Variants in ETF1 observed in about 807,000 individuals in gnomAD.
ETF1 encodes the protein eukaryotic translation termination factor 1, also known as eukaryotic peptide chain release factor subunit 1.
ETF1 carries 4 observed loss-of-function variants against 55.1 expected under a neutral mutation model. That is an observed-to-expected ratio of 0.07 (90% CI 0.04 to 0.17). The LOEUF (loss-of-function observed/expected upper bound fraction) is 0.17, where lower values mean the gene tolerates loss of function less well. Among genes scored for constraint, ETF1 ranks in the 10% least tolerant of loss-of-function variants. ETF1 has a pLI of 1.00. For synonymous variants in ETF1, 157 were observed against 182.3 expected, an observed-to-expected ratio of 0.86 and a Z score of 1.12; for missense variants, 142 against 523.6, an observed-to-expected ratio of 0.27 and a Z score of 7.11.
chr5:138,542,929 C>T lies in ETF1; in HGVS notation c.-11G>A, dbSNP rs751305361. The stretch of plus-strand genomic sequence containing the variant: ...GGGGTCGTCCGCCATCTTCTCGCCT[C>T]CTCCTCCCTAGAGCGGCCCGGCGGG... On this transcript the variant is annotated 5_prime_UTR_variant, in exon 2 of 11. Coordinates refer to ENST00000360541, the MANE Select transcript of ETF1 (RefSeq NM_004730.4). The T allele has an allele frequency of 1.9e-6, 3 of 1,613,452 alleles. No individual in the cohort carries two copies. The highest frequency in any genetic ancestry group is 2.5e-6 in the Non-Finnish European group (3 of 1,179,862).
intron 6 of ETF1, among the ~76,000 whole-genome samples, chr5:138,512,197 CAAAAAA>C (rs58386195): frequency 1.8e-3 from 5 of 2,838 alleles, no homozygotes; most frequent in South Asian, 0.025. Flanking sequence ...GACCCAGTCT[CAAAAAA>C]AAAAAAAAAA....
intron 8 of ETF1, 144 bp downstream of exon 8, chr5:138,510,901 G>A: frequency 1.4e-6 from 2 of 1,454,686 alleles, no homozygotes; most frequent in Non-Finnish European, 1.8e-6. Flanking sequence ...ATCTATGCAG[G>A]AATGTGCTAC....
At chr5:138,530,654 A>T (rs1162417797) in intron 2 of ETF1, among the ~76,000 whole-genome samples, 1 of 148,574 alleles carries the variant, frequency 6.7e-6, no homozygotes, top group Non-Finnish European at 1.5e-5. Flanking sequence ...GATCTTTGCA[A>T]CCTCTGCCTC....
At chr5:138,523,287 A>G (rs1765312561) in intron 2 of ETF1, among the ~76,000 whole-genome samples, 1 of 152,172 alleles carries the variant, frequency 6.6e-6, no homozygotes, top group South Asian at 2.1e-4. Flanking sequence ...GAATCGCTTG[A>G]ACCCGGGAGG....
chr5:138,542,470 G>A (rs909236274), intron 2 of ETF1, among the ~76,000 whole-genome samples: 11 of 151,680 alleles, frequency 7.3e-5, no homozygotes, highest in African/African-American at 2.7e-4. Context: ...CCCTGGGAAA[G>A]GAAGGCCGAA....
chr5:138,508,518 A>G (rs1473191414), intron 10 of ETF1, 131 bp from the exon 11 acceptor site: 6 of 1,554,758 alleles, frequency 3.9e-6, no homozygotes, highest in East Asian at 2.2e-5. Context: ...AATAATAAAC[A>G]TGGGTCCAAA....
intron 9 of ETF1, among the ~76,000 whole-genome samples, 158 bp downstream of exon 9, chr5:138,510,407 A>G (rs999553725): frequency 8.7e-5 from 13 of 149,408 alleles, no homozygotes; most frequent in African/African-American, 3.2e-4. Flanking sequence ...TCCTTCCCTG[A>G]AATCAGATTC....
chr5:138,539,474 A>C (rs1357351924), intron 2 of ETF1, among the ~76,000 whole-genome samples: 4 of 152,242 alleles, frequency 2.6e-5, no homozygotes, highest in Non-Finnish European at 5.9e-5. Flanking sequence ...AGCATATACC[A>C]GGAGCAATCA....
At chr5:138,541,427 G>T in intron 2 of ETF1, 3 of 834,676 alleles carry the variant, frequency 3.6e-6, no homozygotes, top group Non-Finnish European at 3.9e-6. Flanking sequence ...GTGAGCACAA[G>T]CCCGTCACTG....
intron 6 of ETF1, among the ~76,000 whole-genome samples, chr5:138,512,259 T>TATTTTATATATATATA (rs57032066): frequency 8.2e-4 from 13 of 15,792 alleles, no homozygotes; most frequent in African/African-American, 3.8e-3. Context: ...TATATATATA[T>TATTTTATATATATATA]TTTTTTTTTT....
At chr5:138,525,591 A>G (rs1765435118) in intron 2 of ETF1, among the ~76,000 whole-genome samples, 1 of 152,222 alleles carries the variant, frequency 6.6e-6, no homozygotes, top group Admixed American at 6.5e-5. Context: ...GTATAAATTG[A>G]GCTGACTTAC....
Position 138,542,935 on chromosome 5 carries a change from C to G in ETF1, c.-17G>C. The stretch of plus-strand genomic sequence containing the variant: ...GTCCGCCATCTTCTCGCCTCCTCCT[C>G]CCTAGAGCGGCCCGGCGGGGCCCGG... On this transcript the variant is annotated splice_region_variant and 5_prime_UTR_variant, in exon 2 of 11. Transcript: ENST00000360541. 6.2e-7 allele frequency: 1 copy of G among 1,613,322 alleles called. No homozygotes were observed.
intron 2 of ETF1, among the ~76,000 whole-genome samples, chr5:138,525,734 T>C (rs1214116380): frequency 6.6e-6 from 1 of 151,470 alleles, no homozygotes; most frequent in Non-Finnish European, 1.5e-5. Context: ...TCACCTGAGG[T>C]CAGGAGTTCG....
At chr5:138,524,190 C>CAA (rs112748888) in intron 2 of ETF1, among the ~76,000 whole-genome samples, 15 of 74,284 alleles carry the variant, frequency 2.0e-4, no homozygotes, top group African/African-American at 4.8e-4. Context: ...GACTCTGTCT[C>CAA]AAAAAAAAAA....
rs766954447 is a variant in ETF1, at chr5:138,508,299, G to A, written c.*6C>T. 2 of 1,612,312 alleles carry A rather than the reference G, an allele frequency of 1.2e-6. No homozygotes were observed. The highest frequency in any genetic ancestry group is 1.3e-5 in the African/African-American group (1 of 74,844). On this transcript the variant is annotated 3_prime_UTR_variant, in exon 11 of 11. Coordinates refer to ENST00000360541, the MANE Select transcript of ETF1 (RefSeq NM_004730.4). ...AGGCACGTTTTGCCGGACCCATGTC[G>A]ACTACCTAGTAGTCATCAAGGTCAA...
chr5:138,523,437 G>T (rs1235853088), intron 2 of ETF1, among the ~76,000 whole-genome samples: 2 of 152,206 alleles, frequency 1.3e-5, no homozygotes, highest in African/African-American at 4.8e-5. Flanking sequence ...GGGAGGCTGA[G>T]GCAGGAGAAT....
rs1764553887 is a variant in ETF1, at chr5:138,506,240, T to C, written c.*2065A>G. 1 of 152,624 alleles carries C rather than the reference T, an allele frequency of 6.6e-6. No individual in the cohort carries two copies. The highest frequency in any genetic ancestry group is 2.4e-5 in the African/African-American group (1 of 41,446). 9.5% of individuals were successfully genotyped at this position (152,624 alleles called of 1,614,324 possible). A position where few individuals can be genotyped will look rare whatever the true frequency, so the allele number is the denominator to read the frequency against. On this transcript the variant is annotated 3_prime_UTR_variant, in exon 11 of 11. Transcript: ENST00000360541. ...TCTTATATGTGTTTGTATGTGTAAG[T>C]GTAATACATATCAATATATATTGAT...
Position 138,541,770 on chromosome 5 carries a change from G to T in ETF1, c.86+1063C>A, listed in dbSNP as rs990403714. On this transcript the variant is annotated intron_variant, in intron 2 of 10. Transcript: ENST00000360541. ...ATGTTCCAAACACTTTTTTTTGGGG[G>T]GGGGGGCACTTCCTGTAAGTAAAAA... 6.8e-6 allele frequency: 3 copies of T among 442,186 alleles called. 1 individual carries two copies. The highest frequency in any genetic ancestry group is 1.7e-4 in the East Asian group (2 of 11,950). The allele number at this position is 442,186 out of a possible 1,614,324, so 27.4% of individuals were successfully genotyped here.
intron 2 of ETF1, among the ~76,000 whole-genome samples, chr5:138,524,568 AT>A (rs1188301249): frequency 3.4e-5 from 5 of 146,206 alleles, no homozygotes; most frequent in Middle Eastern, 3.5e-3. Flanking sequence ...AAAAAAAAAA[AT>A]TTCTTTCCGT....
Sources: gnomAD v4.1 joint callset for allele counts (sites outside exome capture counted in the v4.1 genomes callset) on GRCh38, gnomAD v4.1.1 for gene constraint, MANE v1.5 for transcripts, NCBI Gene and HGNC (gene_info 2026-07-23, HGNC 2026-07-21) for gene names.